The following CTNNA3 variants were observed in gnomAD, a reference collection of about 807,000 sequenced individuals.
CTNNA3 encodes the protein catenin alpha-3.
CTNNA3 carries 76 observed loss-of-function variants against 95.7 expected under a neutral mutation model. That is an observed-to-expected ratio of 0.79 (90% CI 0.66 to 0.96). The LOEUF is 0.96. CTNNA3 is among the 40% of genes least tolerant of loss of function. The probability of loss-of-function intolerance (pLI) is 0.00; values close to 1 mark genes in which losing one functional copy is unlikely to be tolerated. For missense variants in CTNNA3, 1,191 were observed against 1,089.8 expected, an observed-to-expected ratio of 1.09 and a Z score of -1.31; for synonymous variants, 431 against 374.4, an observed-to-expected ratio of 1.15 and a Z score of -1.74.
intron 13 of CTNNA3, among the ~76,000 whole-genome samples, chr10:66,112,055 T>A (rs1228454162): frequency 6.6e-6 from 1 of 152,188 alleles, no homozygotes; most frequent in African/African-American, 2.4e-5. Flanking sequence ...TCCTCAACAC[T>A]GAGAGATCTC....
At chr10:66,109,161 C>T (rs2082022637) in intron 13 of CTNNA3, among the ~76,000 whole-genome samples, 1 of 152,188 alleles carries the variant, frequency 6.6e-6, no homozygotes, top group Non-Finnish European at 1.5e-5. Context: ...GTGCCACAAA[C>T]TTGTCATGGA....
intron 7 of CTNNA3, among the ~76,000 whole-genome samples, chr10:67,178,215 G>T (rs1284780727): frequency 6.6e-6 from 1 of 152,050 alleles, no homozygotes; most frequent in Admixed American, 6.6e-5. Flanking sequence ...CATTTGGTGG[G>T]GCCACAGATG....
At chr10:66,710,313 A>G (rs1260740359) in intron 9 of CTNNA3, among the ~76,000 whole-genome samples, 1 of 152,134 alleles carries the variant, frequency 6.6e-6, no homozygotes, top group Non-Finnish European at 1.5e-5. Flanking sequence ...CTTATTTAAA[A>G]TATTTAAAAC....
At chr10:66,529,098 C>T (rs1443283734) in intron 10 of CTNNA3, among the ~76,000 whole-genome samples, 1 of 151,942 alleles carries the variant, frequency 6.6e-6, no homozygotes, top group Non-Finnish European at 1.5e-5. Flanking sequence ...CTCCACACAG[C>T]CTGGCCTATC....
chr10:65,954,421 T>A (rs2077688135), intron 17 of CTNNA3, among the ~76,000 whole-genome samples: 3 of 152,236 alleles, frequency 2.0e-5, no homozygotes, highest in Non-Finnish European at 4.4e-5. Flanking sequence ...TTGGCTTTTG[T>A]TGCCACTGCT....
At position 67,509,591 on chromosome 10, in the gene CTNNA3, C is replaced by T. The variant is rs537753635; in HGVS notation, c.579+12251G>A. ...CACATTTTCTTAATCCAGTCTATCA[C>T]TGATGAATATTTGGGTTGGTTCCAA... On this transcript the variant is annotated intron_variant, in intron 5 of 17. Coordinates refer to ENST00000433211, the MANE Select transcript of CTNNA3 (RefSeq NM_013266.4). Among the ~76,000 whole-genome samples the T allele has an allele frequency of 1.6e-4, 25 of 152,266 alleles. No individual in the cohort carries two copies. In the East Asian group the frequency reaches 4.8e-3, roughly 29 times the overall value.
chr10:66,405,284 G>C (rs990325593), intron 11 of CTNNA3, among the ~76,000 whole-genome samples: 10 of 152,056 alleles, frequency 6.6e-5, no homozygotes, highest in African/African-American at 2.4e-4. Flanking sequence ...TATGGTTGTG[G>C]TGTTAAATTA....
chr10:66,163,606 T>A (rs2084966205), intron 13 of CTNNA3, among the ~76,000 whole-genome samples: 1 of 152,194 alleles, frequency 6.6e-6, no homozygotes, highest in Non-Finnish European at 1.5e-5. Flanking sequence ...TCAGAGGGTC[T>A]CTGGGTCCTC....
chr10:66,760,012 C>A (rs1278944446), intron 9 of CTNNA3, among the ~76,000 whole-genome samples: 1 of 152,090 alleles, frequency 6.6e-6, no homozygotes, highest in Non-Finnish European at 1.5e-5. Flanking sequence ...AGTCCTGGGG[C>A]ACTTGCTTTT....
In CTNNA3 at chr10:65,919,760, T is replaced by G. The variant is rs2077054183; in HGVS notation, c.*570A>C. 2 of 152,528 alleles carry G rather than the reference T, an allele frequency of 1.3e-5. No homozygotes were observed. Among genetic ancestry groups the G allele is most frequent in the Admixed American group, 6.5e-5 (1 of 15,310 alleles). 9.4% of individuals were successfully genotyped at this position (152,528 alleles called of 1,614,324 possible). ...AAATTTGATTAGTTTATAATGGATATTAGCCTAATAAGTTGACAATGAGTA... is the reference window on the plus strand; with the variant it reads ...AAATTTGATTAGTTTATAATGGATAGTAGCCTAATAAGTTGACAATGAGTA... On this transcript the variant is annotated 3_prime_UTR_variant, in exon 18 of 18. Transcript: ENST00000433211.
At chr10:66,428,984 CAAA>C (rs971365438) in intron 11 of CTNNA3, among the ~76,000 whole-genome samples, 191 of 151,510 alleles carry the variant, frequency 1.3e-3, no homozygotes, top group African/African-American at 4.6e-3. Context: ...TTGAAAAGAT[CAAA>C]AAAATTGATA....
intron 14 of CTNNA3, chr10:66,098,815 C>T (rs1589395154): frequency 6.6e-6 from 1 of 152,146 alleles, no homozygotes; most frequent in East Asian, 1.9e-4. Flanking sequence ...ACGTATTGGT[C>T]CAGTGAGTAT....
At chr10:66,711,871 T>A (rs1226663078) in intron 9 of CTNNA3, among the ~76,000 whole-genome samples, 1 of 152,204 alleles carries the variant, frequency 6.6e-6, no homozygotes, top group African/African-American at 2.4e-5. Flanking sequence ...TACCCAAACC[T>A]TACTTTCAAA....
intron 3 of CTNNA3, among the ~76,000 whole-genome samples, chr10:67,567,568 G>T (rs980381649): frequency 6.6e-6 from 1 of 152,100 alleles, no homozygotes; most frequent in Non-Finnish European, 1.5e-5. Context: ...AAAATTACAG[G>T]TGTACCCCAT....
chr10:67,303,161 A>G (rs1214134749), intron 5 of CTNNA3, among the ~76,000 whole-genome samples: 1 of 152,248 alleles, frequency 6.6e-6, no homozygotes, highest in Non-Finnish European at 1.5e-5. Context: ...ATAGCTGTGA[A>G]GCTGTTACCA....
intron 7 of CTNNA3, among the ~76,000 whole-genome samples, chr10:66,906,180 A>C (rs1428829250): frequency 6.6e-6 from 1 of 152,186 alleles, no homozygotes; most frequent in Non-Finnish European, 1.5e-5. Flanking sequence ...GGCCAACCAC[A>C]CTTAAATCTA....
At chr10:67,359,088 C>G (rs1017561729) in intron 5 of CTNNA3, among the ~76,000 whole-genome samples, 2 of 151,858 alleles carry the variant, frequency 1.3e-5, no homozygotes, top group Admixed American at 6.6e-5. Flanking sequence ...CTGTGAAACC[C>G]AATGCAGCAA....
At chr10:67,752,400 T>G (rs1004510761) in intron 1 of CTNNA3, among the ~76,000 whole-genome samples, 1 of 152,154 alleles carries the variant, frequency 6.6e-6, no homozygotes, top group Non-Finnish European at 1.5e-5. Context: ...AGCATTCCCC[T>G]TGAAACCTGG....
intron 14 of CTNNA3, among the ~76,000 whole-genome samples, chr10:66,073,354 G>A (rs1442159638): frequency 1.3e-5 from 2 of 152,114 alleles, no homozygotes; most frequent in African/African-American, 4.8e-5. Context: ...GTACATATAG[G>A]TCAGCTACGC....
Sources: allele counts gnomAD v4.1 joint callset (sites outside exome capture counted in the v4.1 genomes callset), GRCh38; gene constraint gnomAD v4.1.1; transcripts MANE v1.5; gene names NCBI Gene and HGNC (gene_info 2026-07-23, HGNC 2026-07-21).